The following BRPF3 variants were observed in gnomAD, a reference collection of about 807,000 sequenced individuals.
BRPF3 encodes bromodomain and PHD finger containing 3.
In BRPF3, 18 loss-of-function variants were observed where a neutral mutation model predicts 102.0. The ratio of observed to expected loss-of-function variants is 0.18; its 90% CI spans 0.12 to 0.26. The LOEUF (loss-of-function observed/expected upper bound fraction) is 0.26. BRPF3 is among the 10% of genes least tolerant of loss of function. The pLI, the probability that BRPF3 is intolerant of heterozygous loss-of-function variation, is 1.00. For missense variants in BRPF3, 1,147 were observed against 1,567.8 expected, an observed-to-expected ratio of 0.73 and a Z score of 4.53; for synonymous variants, 570 against 614.2, an observed-to-expected ratio of 0.93 and a Z score of 1.06.
rs200981567 is a variant in BRPF3 at position 36,200,891 on chromosome 6, G to A, written c.569G>A (p.Arg190Gln). Residue 190 changes from arginine (R) to glutamine (Q), a missense_variant, in exon 2 of 13, where the codon CGG becomes CAG. Arg to Gln is a conservative substitution (Grantham distance 43). Around this residue, in one of 11 missense-constraint regions of BRPF3, gnomAD observed 221 missense variants for 337.1 expected, o/e 0.66. Coordinates refer to ENST00000357641, the MANE Select transcript of BRPF3 (RefSeq NM_015695.3). The surrounding 1 kb of genome is among the most constrained non-coding windows in gnomAD (Gnocchi z 5.3). ...SADTFELLVD[R>Q]LEKESYLESR... ...GATACCTTTGAGCTGCTGGTAGACC[G>A]GCTTGAGAAAGAGTCATACTTGGAG... The A allele has an allele frequency of 2.1e-5, 34 of 1,614,088 alleles. No individual in the cohort carries two copies. Among genetic ancestry groups the A allele is most frequent in the Middle Eastern group, 1.6e-4 (1 of 6,084 alleles).
In BRPF3 at chr6:36,211,393, G is replaced by A. The variant is rs142209749; in HGVS notation, c.2315G>A (p.Arg772His). Residue 772 changes from arginine (R) to histidine (H), a missense_variant, in exon 7 of 13, where the codon CGC becomes CAC. Coordinates refer to ENST00000357641, the MANE Select transcript of BRPF3 (RefSeq NM_015695.3). ...GARTRRVRLLRREINALRQKL... is the reference protein window; with the variant it reads ...GARTRRVRLLHREINALRQKL... ...CGCACCCGTCGTGTCCGCCTGCTAC[G>A]CCGGGAGATCAATGCCCTTCGGCAG... 1.4e-5 allele frequency: 23 copies of A among 1,614,020 alleles called. No individual in the cohort carries two copies. The highest frequency in any genetic ancestry group is 3.3e-4 in the Middle Eastern group (2 of 6,084).
chr6:36,213,339 A>G (rs1485247922), intron 7 of BRPF3, among the ~76,000 whole-genome samples: 1 of 152,220 alleles, frequency 6.6e-6, no homozygotes, highest in Non-Finnish European at 1.5e-5. Flanking sequence ...AATTTTTAAG[A>G]AACTTCCTAT....
intron 8 of BRPF3, among the ~76,000 whole-genome samples, chr6:36,216,264 C>G (rs1048190715): frequency 2.6e-5 from 4 of 152,194 alleles, no homozygotes; most frequent in Non-Finnish European, 5.9e-5. Flanking sequence ...GTAGCAGTTA[C>G]TGTCATCCTG....
At chr6:36,226,424 T>TA (rs1451233301) in intron 11 of BRPF3, among the ~76,000 whole-genome samples, 1 of 152,250 alleles carries the variant, frequency 6.6e-6, no homozygotes, top group Non-Finnish European at 1.5e-5. Context: ...ATACCACTGA[T>TA]ACTAAACCTT....
intron 9 of BRPF3, among the ~76,000 whole-genome samples, chr6:36,221,741 G>A (rs879856992): frequency 2.0e-5 from 3 of 152,118 alleles, no homozygotes; most frequent in Non-Finnish European, 2.9e-5. Context: ...TGGCAAAGAG[G>A]CAAATTTTTG....
At chr6:36,216,087 T>C (rs1477368061) in intron 8 of BRPF3, among the ~76,000 whole-genome samples, 1 of 152,220 alleles carries the variant, frequency 6.6e-6, no homozygotes, top group Non-Finnish European at 1.5e-5. Context: ...TAGGCATACC[T>C]GCACTCAAAT....
chr6:36,198,708 T>C (rs1767593353), intron 1 of BRPF3, among the ~76,000 whole-genome samples: 1 of 152,236 alleles, frequency 6.6e-6, no homozygotes, highest in South Asian at 2.1e-4. Flanking sequence ...TGAATTGTTT[T>C]TCTCTTTGAA....
chr6:36,225,253 T>A lies in BRPF3; in HGVS notation c.3182-14T>A. The A allele has an allele frequency of 1.3e-6, 2 of 1,596,078 alleles. No individual in the cohort carries two copies. The highest frequency in any genetic ancestry group is 1.7e-6 in the Non-Finnish European group (2 of 1,171,820). On this transcript the variant is annotated splice_polypyrimidine_tract_variant and intron_variant, in intron 10 of 12. Coordinates refer to ENST00000357641, the MANE Select transcript of BRPF3 (RefSeq NM_015695.3). ...CCCCTTTGGGTGCTGTCTCCTCCCC[T>A]CCCCCACCCCCAGGCAGAAGCCTCC...
chr6:36,219,788 ATT>A (rs926402410), intron 9 of BRPF3, among the ~76,000 whole-genome samples: 1 of 152,196 alleles, frequency 6.6e-6, no homozygotes, highest in Admixed American at 6.5e-5. Context: ...GGAAGACCTT[ATT>A]TATTAGACCA....
chr6:36,204,592 A>T, intron 2 of BRPF3, 66 bp from the exon 3 acceptor site: 1 of 1,577,642 alleles, frequency 6.3e-7, no homozygotes, highest in Non-Finnish European at 8.7e-7. Context: ...TCTGGATAGG[A>T]TGCACAGGCT....
At chr6:36,211,978 AG>A (rs1768135051) in intron 7 of BRPF3, among the ~76,000 whole-genome samples, 1 of 152,192 alleles carries the variant, frequency 6.6e-6, no homozygotes, top group Non-Finnish European at 1.5e-5. Flanking sequence ...GAGAGACTCT[AG>A]AGCAGGTTAG....
rs1197988562 is a variant in BRPF3 at position 36,200,517 on chromosome 6, G to A, written c.195G>A (p.Glu65=). 2 of 1,614,248 alleles carry A rather than the reference G, an allele frequency of 1.2e-6. No homozygotes were observed. The highest frequency in any genetic ancestry group is 1.3e-5 in the African/African-American group (1 of 75,070). Residue 65 remains glutamate (E), a synonymous_variant, in exon 2 of 13, where the codon GAG becomes GAA. Transcript: ENST00000357641. This position sits in a 1 kb window ranked among gnomAD's most constrained non-coding sequence, Gnocchi z 5.3. Reference sequence around the variant, plus strand: ...CACTCAAAATCATTACTGAAGATGAGCTAACTGCCCAGGATATCACCGAAT... The same window carrying A: ...CACTCAAAATCATTACTGAAGATGAACTAACTGCCCAGGATATCACCGAAT... ...YDPLKIITED[E]LTAQDITECN... is the part of the protein sequence containing the mutation.
chr6:36,218,532 T>C (rs1768415052), intron 9 of BRPF3, among the ~76,000 whole-genome samples: 1 of 150,734 alleles, frequency 6.6e-6, no homozygotes, highest in Admixed American at 6.7e-5. Flanking sequence ...CGATCTCGGC[T>C]CACTGCAACC....
At chr6:36,225,477 A>G (rs1043914346) in intron 11 of BRPF3, 113 bp downstream of exon 11, 28 of 922,756 alleles carry the variant, frequency 3.0e-5, no homozygotes, top group Non-Finnish European at 3.9e-5. Flanking sequence ...TTAGCTGTAG[A>G]GGGGAGGGGG....
intron 11 of BRPF3, among the ~76,000 whole-genome samples, chr6:36,226,878 C>T (rs973355845): frequency 6.6e-6 from 1 of 152,264 alleles, no homozygotes; most frequent in Non-Finnish European, 1.5e-5. Context: ...CCTGCCTTCA[C>T]AGGGCTCTCT....
rs1456386676 is a variant in BRPF3, at chr6:36,210,195, G to A, written c.1867-21G>A. ...TGGCTAGTAAATGGTTGTTGTAATT[G>A]TACAGGTTTTATATGTTTAGGTTCC... On this transcript the variant is annotated intron_variant, in intron 5 of 12. Transcript: ENST00000357641. This position sits in a 1 kb window ranked among gnomAD's most constrained non-coding sequence, Gnocchi z 4.7. 6.2e-7 allele frequency: 1 copy of A among 1,613,214 alleles called. No homozygotes were observed. Among genetic ancestry groups the A allele is most frequent in the Non-Finnish European group, 8.5e-7 (1 of 1,179,184 alleles).
Position 36,222,176 on chromosome 6 carries a change from C to T in BRPF3, c.3092C>T (p.Thr1031Met), listed in dbSNP as rs751035235. Residue 1031 changes from threonine to methionine, a missense_variant, in exon 10 of 13, where the codon ACG becomes ATG. This residue lies in a region of BRPF3 where 379 missense variants were observed against 426.3 expected (regional missense o/e 0.89). Coordinates refer to ENST00000357641, the MANE Select transcript of BRPF3 (RefSeq NM_015695.3). ...CCCTGCTCTGTGTGCAGTGGTCTGA[C>T]GCCCCCCAAACGCAGCCGTGGGAAG... ...GLAFEACSGL[T>M]PPKRSRGKPA... The T allele has an allele frequency of 1.8e-5, 28 of 1,550,168 alleles. No individual in the cohort carries two copies. Among genetic ancestry groups the T allele is most frequent in the African/African-American group, 2.7e-5 (2 of 73,008 alleles).
chr6:36,222,373 C>T, intron 10 of BRPF3, 108 bp downstream of exon 10: 2 of 989,184 alleles, frequency 2.0e-6, no homozygotes, highest in African/African-American at 1.6e-5. Context: ...AGTCCTTGAG[C>T]TCCCCCAAAC....
At chr6:36,199,963 A>G (rs1767635039) in intron 1 of BRPF3, among the ~76,000 whole-genome samples, 1 of 152,260 alleles carries the variant, frequency 6.6e-6, no homozygotes, top group African/African-American at 2.4e-5. Context: ...GAAGGAAACA[A>G]TAAACATAGT....
Sources: gnomAD v4.1 joint callset for allele counts (sites outside exome capture counted in the v4.1 genomes callset) on GRCh38, gnomAD v4.1.1 for gene constraint, gnomAD v4.1.1 regional missense constraint, Gnocchi (gnomAD v3.1) non-coding constraint, MANE v1.5 for transcripts, NCBI Gene and HGNC (gene_info 2026-07-23, HGNC 2026-07-21) for gene names.